Variants in CUX1 observed in about 807,000 individuals in gnomAD.
CUX1 encodes cut like homeobox 1.
A neutral mutation model predicts 158.8 loss-of-function variants in CUX1; 31 were observed. That is an observed-to-expected ratio of 0.20 (90% CI 0.15 to 0.26). The LOEUF is 0.26. Among genes scored for constraint, CUX1 ranks in the 10% least tolerant of loss-of-function variants. The probability of loss-of-function intolerance (pLI) is 1.00; values close to 1 mark genes in which losing one functional copy is unlikely to be tolerated. For synonymous variants in CUX1, 879 were observed against 862.1 expected (o/e 1.02, Z -0.34); for missense variants, 1,589 against 2,014.6 (o/e 0.79, Z 4.04).
chr7:102,237,353 G>A (rs553025853), intron 22 of CUX1, among the ~76,000 whole-genome samples: 94 of 151,796 alleles, frequency 6.2e-4, no homozygotes, highest in South Asian at 2.7e-3. Context: ...CCAGCTACTC[G>A]GGTGCACGCA....
chr7:101,932,780 G>A (rs1806431544), intron 2 of CUX1, among the ~76,000 whole-genome samples: 1 of 152,210 alleles, frequency 6.6e-6, no homozygotes, highest in South Asian at 2.1e-4. Flanking sequence ...ACAGTGAATT[G>A]AGACAAGGAA....
chr7:101,882,691 A>G (rs1433921230), intron 1 of CUX1, among the ~76,000 whole-genome samples: 1 of 152,178 alleles, frequency 6.6e-6, no homozygotes, highest in African/African-American at 2.4e-5. Context: ...AGAATATAGC[A>G]GCTGTTGATG....
chr7:102,248,605 G>A lies in CUX1; in HGVS notation c.4081G>A (p.Ala1361Thr). ...CGAGGAGCCCAAGTCTCAGGGAGAG[G>A]CCGAGCGGGAGGAGGTGCCGCGGCC... Reference protein sequence around the residue: ...DTEEPKSQGEAEREEVPRPAE... With the variant: ...DTEEPKSQGETEREEVPRPAE... Residue 1361 changes from alanine (A) to threonine (T), a missense_variant, in exon 24 of 24, where the codon GCC (alanine) becomes ACC (threonine). Physicochemically the swap from Ala to Thr is moderately conservative, Grantham distance 58. Transcript: ENST00000292535. The surrounding 1 kb of genome is among the most constrained non-coding windows in gnomAD (Gnocchi z 5.8). 1.4e-6 allele frequency: 2 copies of A among 1,455,384 alleles called. No individual in the cohort carries two copies. Among genetic ancestry groups the A allele is most frequent in the Non-Finnish European group, 9.0e-7 (1 of 1,108,662 alleles). The allele number at this position is 1,455,384 out of a possible 1,614,324, so 90.2% of individuals were successfully genotyped here. A position where few individuals can be genotyped will look rare whatever the true frequency, so the allele number is the denominator to read the frequency against.
chr7:102,030,980 A>G (rs1820726647), intron 3 of CUX1, among the ~76,000 whole-genome samples: 2 of 151,822 alleles, frequency 1.3e-5, no homozygotes, highest in Admixed American at 6.6e-5. Context: ...TTGATTACAG[A>G]CATGAGCCAC....
chr7:102,166,273 C>A (rs1404640552), intron 9 of CUX1, among the ~76,000 whole-genome samples: 2 of 152,182 alleles, frequency 1.3e-5, no homozygotes, highest in Non-Finnish European at 2.9e-5. Flanking sequence ...ACTCTGATTT[C>A]TCAGCAAATG....
At chr7:101,913,229 A>G (rs571567121) in intron 1 of CUX1, 1 of 428,528 alleles carries the variant, frequency 2.3e-6, no homozygotes, top group African/African-American at 2.1e-5. Flanking sequence ...GGGCGGCGGC[A>G]GCTCAGTCTC....
chr7:102,177,203 CAGG>C (rs1319997345), intron 10 of CUX1, among the ~76,000 whole-genome samples: 1 of 151,778 alleles, frequency 6.6e-6, no homozygotes, highest in East Asian at 1.9e-4. Flanking sequence ...CACTTGAGGT[CAGG>C]AGTTCGAGAC....
At chr7:101,857,628 C>T (rs1008388718) in intron 1 of CUX1, among the ~76,000 whole-genome samples, 4 of 152,204 alleles carry the variant, frequency 2.6e-5, no homozygotes, top group African/African-American at 4.8e-5. Flanking sequence ...AAGGGAAAGA[C>T]GGAGCTTGTC....
At chr7:101,847,018 C>T (rs1795777564) in intron 1 of CUX1, among the ~76,000 whole-genome samples, 1 of 152,070 alleles carries the variant, frequency 6.6e-6, no homozygotes, top group Non-Finnish European at 1.5e-5. Context: ...TGGCACGCAC[C>T]TGTAAGTCTC....
At chr7:101,894,987 C>T (rs1268328474) in intron 1 of CUX1, among the ~76,000 whole-genome samples, 2 of 151,982 alleles carry the variant, frequency 1.3e-5, no homozygotes. Flanking sequence ...TGGTCGGCTT[C>T]CTAGACTCCT....
At chr7:101,842,822 A>G (rs1048898383) in intron 1 of CUX1, among the ~76,000 whole-genome samples, 1 of 142,420 alleles carries the variant, frequency 7.0e-6, no homozygotes, top group Non-Finnish European at 1.5e-5. Flanking sequence ...ATAGACTCTT[A>G]TTATGTTTTT....
intron 2 of CUX1, among the ~76,000 whole-genome samples, chr7:101,953,245 A>G (rs1192031217): frequency 6.6e-6 from 1 of 152,262 alleles, no homozygotes; most frequent in Non-Finnish European, 1.5e-5. Context: ...AAGGAAAAGG[A>G]AATTTTATTC....
intron 19 of CUX1, 82 bp from the exon 20 acceptor site, chr7:102,205,032 C>A: frequency 2.0e-6 from 2 of 1,012,374 alleles, no homozygotes; most frequent in East Asian, 5.0e-5. Context: ...GGAAGCCTCC[C>A]CGGGCCTTGC....
intron 2 of CUX1, among the ~76,000 whole-genome samples, chr7:101,930,551 T>C (rs1806170257): frequency 6.6e-6 from 1 of 152,202 alleles, no homozygotes; most frequent in African/African-American, 2.4e-5. Context: ...TGACTAACAT[T>C]GGCTTTTCAT....
intron 1 of CUX1, among the ~76,000 whole-genome samples, chr7:101,841,896 G>T (rs1795227278): frequency 2.0e-5 from 3 of 152,044 alleles, no homozygotes; most frequent in Admixed American, 2.0e-4. Flanking sequence ...GTTCTTTCTT[G>T]TTTTGGATAA....
chr7:102,185,133 C>A (rs543054493), intron 11 of CUX1, among the ~76,000 whole-genome samples: 23 of 152,286 alleles, frequency 1.5e-4, no homozygotes, highest in African/African-American at 5.1e-4. Context: ...ACGAACAGAG[C>A]CCCTGGAGAA....
chr7:101,964,549 C>T (rs948244312), intron 2 of CUX1, among the ~76,000 whole-genome samples: 12 of 152,080 alleles, frequency 7.9e-5, no homozygotes, highest in African/African-American at 2.9e-4. Context: ...TTTCAAGTTT[C>T]TCATTCTTTT....
intron 8 of CUX1, among the ~76,000 whole-genome samples, chr7:102,133,101 C>T (rs1415513150): frequency 6.6e-6 from 1 of 152,172 alleles, no homozygotes; most frequent in Non-Finnish European, 1.5e-5. Context: ...CTGTCTGATC[C>T]TGCTAAAACC....
chr7:102,233,996 C>T, intron 21 of CUX1, 56 bp from the exon 22 acceptor site: 2 of 1,373,072 alleles, frequency 1.5e-6, no homozygotes. Flanking sequence ...GTACTTGTCC[C>T]TTCAGATCCC....
Sources: allele counts gnomAD v4.1 joint callset (sites outside exome capture counted in the v4.1 genomes callset), GRCh38; gene constraint gnomAD v4.1.1; non-coding constraint Gnocchi (gnomAD v3.1); transcripts MANE v1.5; gene names NCBI Gene and HGNC (gene_info 2026-07-23, HGNC 2026-07-21).